Variants in PAPPA observed in about 807,000 individuals in gnomAD.
The protein encoded by PAPPA is pappalysin-1.
Under a neutral mutation model 164.0 loss-of-function variants are expected in PAPPA, and 60 were observed. That is an observed-to-expected ratio of 0.37 (90% confidence interval 0.30 to 0.45). The LOEUF is 0.45. PAPPA is among the 20% of genes least tolerant of loss of function. PAPPA has a pLI of 1.00. For missense variants in PAPPA, 1,782 were observed against 2,087.3 expected (o/e 0.85, Z 2.85); for synonymous variants, 875 against 814.1 (o/e 1.07, Z -1.27).
intron 1 of PAPPA, among the ~76,000 whole-genome samples, chr9:116,169,073 A>C (rs1843745737): frequency 6.6e-6 from 1 of 152,186 alleles, no homozygotes. Flanking sequence ...GTGCTTTGAG[A>C]ATTAATAGCA....
rs1847022574 is a variant in PAPPA at position 116,399,794 on chromosome 9, A to G, written c.*3178A>G. 1 of 151,340 alleles carries G rather than the reference A, an allele frequency of 6.6e-6. No homozygotes were observed. The highest frequency in any genetic ancestry group is 1.5e-5 in the Non-Finnish European group (1 of 68,042). The allele number at this position is 151,340 out of a possible 1,614,324, so 9.4% of individuals were successfully genotyped here. A position where few individuals can be genotyped will look rare whatever the true frequency, so the allele number is the denominator to read the frequency against. On this transcript the variant is annotated 3_prime_UTR_variant, in exon 22 of 22. Transcript: ENST00000328252. ...GGTGTTAAGGAAGGGAAAGATTGTC[A>G]TAGATGGTAGGGCTTTGAAAATGCA...
Position 116,289,291 on chromosome 9 carries a change from A to G in PAPPA, c.2954-13466A>G, listed in dbSNP as rs374803482. 5.0e-3 allele frequency among the ~76,000 whole-genome samples: 139 copies of G among 27,830 alleles called. 33 individuals carry two copies. Among genetic ancestry groups the G allele is most frequent in the Non-Finnish European group, 6.5e-3 (76 of 11,644 alleles). 18.3% of individuals were successfully genotyped at this position (27,830 alleles called of 152,430 possible). A position where few individuals can be genotyped will look rare whatever the true frequency, so the allele number is the denominator to read the frequency against. On this transcript the variant is annotated intron_variant, in intron 9 of 21. Transcript: ENST00000328252. Reference sequence around the variant, plus strand: ...TATAGCATATATATAGCATATAAATAGCATATATATAGCATATATATGGCA... The same window carrying G: ...TATAGCATATATATAGCATATAAATGGCATATATATAGCATATATATGGCA...
chr9:116,211,578 G>T (rs1844307491), intron 3 of PAPPA, 61 bp from the exon 4 acceptor site: 1 of 1,459,752 alleles, frequency 6.9e-7, no homozygotes. Flanking sequence ...TGGACTTGGG[G>T]GTTCTTGCAC....
chr9:116,165,457 C>T (rs1455346092), intron 1 of PAPPA, among the ~76,000 whole-genome samples: 2 of 152,188 alleles, frequency 1.3e-5, no homozygotes, highest in Non-Finnish European at 2.9e-5. Context: ...TCCTGACTCT[C>T]CTGCTTCCTT....
At chr9:116,305,625 G>A (rs1459213390) in intron 10 of PAPPA, among the ~76,000 whole-genome samples, 4 of 152,182 alleles carry the variant, frequency 2.6e-5, no homozygotes. Context: ...GCACATTACA[G>A]CCAATCCCCT....
intron 10 of PAPPA, among the ~76,000 whole-genome samples, chr9:116,319,896 C>T (rs1349802583): frequency 6.6e-6 from 1 of 152,138 alleles, no homozygotes; most frequent in Non-Finnish European, 1.5e-5. Flanking sequence ...TAAATGATGG[C>T]AAAGAAAACA....
At chr9:116,281,338 C>T (rs2118843760) in intron 9 of PAPPA, among the ~76,000 whole-genome samples, 1 of 152,202 alleles carries the variant, frequency 6.6e-6, no homozygotes, top group East Asian at 1.9e-4. Flanking sequence ...TCATTTCATC[C>T]ATCTCCCTCC....
chr9:116,369,030 T>C (rs1846538269), intron 19 of PAPPA, among the ~76,000 whole-genome samples: 2 of 152,222 alleles, frequency 1.3e-5, no homozygotes, highest in South Asian at 4.2e-4. Flanking sequence ...TTACTCTCAC[T>C]AATTTTTTTC....
intron 1 of PAPPA, among the ~76,000 whole-genome samples, chr9:116,175,504 T>A (rs761878721): frequency 6.6e-6 from 1 of 152,238 alleles, no homozygotes; most frequent in African/African-American, 2.4e-5. Context: ...ATATACATAA[T>A]TTTTGTCAAT....
chr9:116,182,579 C>T (rs949192124), intron 1 of PAPPA, among the ~76,000 whole-genome samples: 3 of 152,174 alleles, frequency 2.0e-5, no homozygotes, highest in Admixed American at 6.5e-5. Flanking sequence ...CCCTAATGCC[C>T]AGAGTATTCT....
In PAPPA at chr9:116,237,957, G is replaced by A. The variant is rs189764070; in HGVS notation, c.2732+2320G>A. ...CTGGTCTGAGAACTCCTGACCTCAT[G>A]ATCTGCCTACCTCAGCCTCCCAAAG... On this transcript the variant is annotated intron_variant, in intron 7 of 21. Transcript: ENST00000328252. 6.2e-3 allele frequency among the ~76,000 whole-genome samples: 939 copies of A among 152,088 alleles called. 6 individuals carry two copies. The highest frequency in any genetic ancestry group is 0.01 in the Non-Finnish European group (708 of 67,986).
rs558617613 is a variant in PAPPA, at chr9:116,245,988, T to C, written c.2732+10351T>C. On this transcript the variant is annotated intron_variant, in intron 7 of 21. Coordinates refer to ENST00000328252, the MANE Select transcript of PAPPA (RefSeq NM_002581.5). ...TTAAAAATAATCTGCTCAATCCTGA[T>C]GCCATCCAAATAGAAAGAAAGCAAT... 3.9e-5 allele frequency among the ~76,000 whole-genome samples: 6 copies of C among 152,366 alleles called. No individual in the cohort carries two copies. The South Asian group carries it at 1.2e-3, about 32-fold the overall frequency.
intron 7 of PAPPA, among the ~76,000 whole-genome samples, chr9:116,239,911 G>A (rs1267182420): frequency 2.0e-5 from 3 of 152,154 alleles, no homozygotes; most frequent in Non-Finnish European, 4.4e-5. Flanking sequence ...CACCCTTGAT[G>A]TCTTGGTGTC....
intron 5 of PAPPA, among the ~76,000 whole-genome samples, chr9:116,222,747 T>C (rs1165758416): frequency 6.6e-6 from 1 of 152,104 alleles, no homozygotes; most frequent in East Asian, 1.9e-4. Flanking sequence ...TTCAGGTAGA[T>C]GGGAGGAATA....
intron 1 of PAPPA, among the ~76,000 whole-genome samples, chr9:116,166,867 G>C (rs917150657): frequency 2.6e-5 from 4 of 152,148 alleles, no homozygotes; most frequent in Non-Finnish European, 5.9e-5. Context: ...TACCATGAGA[G>C]AATGAATATA....
chr9:116,212,572 G>A (rs896006588), intron 4 of PAPPA, among the ~76,000 whole-genome samples: 3 of 152,152 alleles, frequency 2.0e-5, no homozygotes, highest in Non-Finnish European at 4.4e-5. Context: ...TGGCAGGCCA[G>A]CATCAAATTC....
chr9:116,388,370 A>G (rs1208939491), intron 21 of PAPPA, among the ~76,000 whole-genome samples: 1 of 152,212 alleles, frequency 6.6e-6, no homozygotes, highest in African/African-American at 2.4e-5. Context: ...AATTCAATTT[A>G]TAATTGGAAT....
chr9:116,199,643 A>T (rs1316220191), intron 2 of PAPPA, among the ~76,000 whole-genome samples: 4 of 152,078 alleles, frequency 2.6e-5, no homozygotes, highest in African/African-American at 9.7e-5. Context: ...TCAATTCTCC[A>T]TTGCCTAGTA....
chr9:116,323,176 C>T (rs1005952732), intron 10 of PAPPA, among the ~76,000 whole-genome samples: 6 of 152,116 alleles, frequency 3.9e-5, no homozygotes, highest in South Asian at 4.2e-4. Flanking sequence ...AGCAAGACAT[C>T]GTTAACTCCT....
Sources: allele counts gnomAD v4.1 joint callset (sites outside exome capture counted in the v4.1 genomes callset), GRCh38; gene constraint gnomAD v4.1.1; transcripts MANE v1.5; gene names NCBI Gene and HGNC (gene_info 2026-07-23, HGNC 2026-07-21).